The following CHRM3 variants were observed in gnomAD, a reference collection of about 807,000 sequenced individuals.
CHRM3 encodes muscarinic acetylcholine receptor M3.
A neutral mutation model predicts 41.8 loss-of-function variants in CHRM3; 11 were observed. The ratio of observed to expected loss-of-function variants is 0.26; its 90% CI spans 0.17 to 0.44. CHRM3 has a LOEUF of 0.44. Ranked by LOEUF, CHRM3 falls within the 20% of genes least tolerant of loss-of-function variation. The pLI is 1.00. For synonymous variants in CHRM3, 297 were observed against 301.4 expected (o/e 0.99, Z 0.15); for missense variants, 571 against 745.4 (o/e 0.77, Z 2.72).
At chr1:239,820,449 G>A (rs893789458) in intron 5 of CHRM3, among the ~76,000 whole-genome samples, 14 of 152,168 alleles carry the variant, frequency 9.2e-5, no homozygotes, top group African/African-American at 2.9e-4. Context: ...TCCCTCCTGC[G>A]ATATCTGTTC....
intron 5 of CHRM3, among the ~76,000 whole-genome samples, chr1:239,799,583 T>G (rs964008493): frequency 2.6e-5 from 4 of 152,302 alleles, no homozygotes; most frequent in African/African-American, 7.2e-5. Context: ...TTTGCCACTA[T>G]TGTCACTTTT....
At chr1:239,482,451 T>C (rs1172618393) in intron 1 of CHRM3, among the ~76,000 whole-genome samples, 2 of 152,170 alleles carry the variant, frequency 1.3e-5, no homozygotes, top group Non-Finnish European at 2.9e-5. Flanking sequence ...AATATTCTGG[T>C]TGAGCTATAG....
chr1:239,612,946 C>G (rs1572926508), intron 3 of CHRM3, among the ~76,000 whole-genome samples: 1 of 152,156 alleles, frequency 6.6e-6, no homozygotes, highest in African/African-American at 2.4e-5. Flanking sequence ...GATAAGAATA[C>G]TCCCCTAACT....
At chr1:239,847,867 ATC>A (rs757050371) in intron 6 of CHRM3, among the ~76,000 whole-genome samples, 102 of 151,848 alleles carry the variant, frequency 6.7e-4, no homozygotes, top group East Asian at 1.2e-3. Flanking sequence ...GTGAGCTGTG[ATC>A]TCACCACTGC....
chr1:239,603,854 A>T (rs548807784), intron 3 of CHRM3, among the ~76,000 whole-genome samples: 5 of 152,218 alleles, frequency 3.3e-5, no homozygotes, highest in African/African-American at 1.2e-4. Context: ...TTATTACTAT[A>T]ATTAATTTTA....
At chr1:239,422,323 C>A (rs1662015895) in intron 1 of CHRM3, among the ~76,000 whole-genome samples, 1 of 152,096 alleles carries the variant, frequency 6.6e-6, no homozygotes, top group Non-Finnish European at 1.5e-5. Flanking sequence ...AAGTAGCTTA[C>A]CTAGTTTATA....
intron 6 of CHRM3, among the ~76,000 whole-genome samples, chr1:239,848,867 C>T (rs535950664): frequency 1.3e-5 from 2 of 152,120 alleles, no homozygotes; most frequent in Non-Finnish European, 2.9e-5. Context: ...CATGGTGTTT[C>T]CACAGCACAT....
rs1457695896 is a variant in CHRM3 at position 239,451,622 on chromosome 1, T to A, written c.-520-41087T>A. Among the ~76,000 whole-genome samples, 3 of 152,200 alleles carry A rather than the reference T, an allele frequency of 2.0e-5. No homozygotes were observed. The East Asian group carries it at 5.8e-4, about 29-fold the overall frequency. On this transcript the variant is annotated intron_variant, in intron 1 of 6. Coordinates refer to ENST00000676153, the MANE Select transcript of CHRM3 (RefSeq NM_001375978.1). Reference sequence around the variant, plus strand: ...TGAAACAGTCTGGAACATATTTTTTTAATCAGATTTTCAACTGAATACAGA... The same window carrying A: ...TGAAACAGTCTGGAACATATTTTTTAAATCAGATTTTCAACTGAATACAGA...
intron 1 of CHRM3, among the ~76,000 whole-genome samples, chr1:239,410,040 A>T (rs1210084470): frequency 2.6e-5 from 4 of 152,228 alleles, no homozygotes; most frequent in Non-Finnish European, 5.9e-5. Flanking sequence ...TGCTCTGGAT[A>T]CTAGAGCAGT....
At chr1:239,866,651 T>C (rs529665292) in intron 6 of CHRM3, among the ~76,000 whole-genome samples, 27 of 152,326 alleles carry the variant, frequency 1.8e-4, no homozygotes, top group African/African-American at 6.0e-4. Context: ...TATTAGGTAA[T>C]GAATGTGAAA....
Position 239,446,890 on chromosome 1 carries a change from G to T in CHRM3, c.-520-45819G>T, listed in dbSNP as rs562174524. Among the ~76,000 whole-genome samples the T allele has an allele frequency of 2.0e-5, 3 of 152,212 alleles. No individual in the cohort carries two copies. The South Asian group carries it at 6.2e-4, about 32-fold the overall frequency. ...GGATGTTAGTAATGTTTGTTTAGGA[G>T]CATGGAAATTACTCACAAAATATCA... On this transcript the variant is annotated intron_variant, in intron 1 of 6. Coordinates refer to ENST00000676153, the MANE Select transcript of CHRM3 (RefSeq NM_001375978.1).
chr1:239,796,305 A>G (rs184284030), intron 5 of CHRM3, among the ~76,000 whole-genome samples: 108 of 152,304 alleles, frequency 7.1e-4, no homozygotes, highest in Admixed American at 1.2e-3. Context: ...AGTCACAGAG[A>G]AAAAAGAAGT....
chr1:239,685,045 T>C (rs1482805586), intron 5 of CHRM3, among the ~76,000 whole-genome samples: 2 of 152,204 alleles, frequency 1.3e-5, no homozygotes, highest in African/African-American at 4.8e-5. Context: ...CCACTCACCA[T>C]GTCACTGGAA....
intron 3 of CHRM3, among the ~76,000 whole-genome samples, chr1:239,586,400 A>T (rs1004741738): frequency 2.0e-5 from 3 of 151,990 alleles, no homozygotes; most frequent in African/African-American, 7.2e-5. Flanking sequence ...ACTGCAGCCT[A>T]TTTTTTTGCA....
At chr1:239,637,235 A>G (rs1033436256) in intron 4 of CHRM3, among the ~76,000 whole-genome samples, 2 of 152,144 alleles carry the variant, frequency 1.3e-5, no homozygotes, top group Non-Finnish European at 1.5e-5. Context: ...TTCTGCTCTA[A>G]CATGTTACTA....
intron 5 of CHRM3, among the ~76,000 whole-genome samples, chr1:239,723,702 C>A (rs1434825381): frequency 6.6e-6 from 1 of 152,012 alleles, no homozygotes; most frequent in Admixed American, 6.6e-5. Context: ...TCATTTGGGG[C>A]AAATTGTATG....
At chr1:239,610,356 A>T (rs1192247255) in intron 3 of CHRM3, among the ~76,000 whole-genome samples, 2 of 152,190 alleles carry the variant, frequency 1.3e-5, no homozygotes, top group Non-Finnish European at 2.9e-5. Context: ...TTCATGCTTC[A>T]TGAGCTGTGA....
In CHRM3 at chr1:239,632,960, G is replaced by A. The variant is rs140651829; in HGVS notation, c.-250+674G>A. On this transcript the variant is annotated intron_variant, in intron 4 of 6. Coordinates refer to ENST00000676153, the MANE Select transcript of CHRM3 (RefSeq NM_001375978.1). ...TATAATCATGACAGAAGGCGAAGGG[G>A]AAGCAAGCCATGTCTTTTTTGTTTG... Among the ~76,000 whole-genome samples, 842 of 152,286 alleles carry A rather than the reference G, an allele frequency of 5.5e-3. 6 individuals carry two copies. Among genetic ancestry groups the A allele is most frequent in the Non-Finnish European group, 9.0e-3 (609 of 68,026 alleles).
intron 6 of CHRM3, among the ~76,000 whole-genome samples, chr1:239,843,957 CAT>C (rs1674054476): frequency 6.6e-6 from 1 of 152,014 alleles, no homozygotes; most frequent in Admixed American, 6.6e-5. Flanking sequence ...CACACATACA[CAT>C]ATGCATACAC....
Sources: allele counts gnomAD v4.1 joint callset (sites outside exome capture counted in the v4.1 genomes callset), GRCh38; gene constraint gnomAD v4.1.1; transcripts MANE v1.5; gene names NCBI Gene and HGNC (gene_info 2026-07-23, HGNC 2026-07-21).